The following GPC5 variants were observed in gnomAD, a reference collection of about 807,000 sequenced individuals.
GPC5 encodes the protein glypican 5.
Under a neutral mutation model 53.9 loss-of-function variants are expected in GPC5, and 47 were observed. The ratio of observed to expected loss-of-function variants is 0.87; its 90% CI spans 0.69 to 1.11. The LOEUF (loss-of-function observed/expected upper bound fraction) is 1.11, where lower values mean the gene tolerates loss of function less well. Among genes scored for constraint, GPC5 ranks in the 50% most tolerant of loss-of-function variants. The pLI is 0.00. For missense variants in GPC5, 748 were observed against 713.1 expected (o/e 1.05, Z -0.56); for synonymous variants, 286 against 263.3 (o/e 1.09, Z -0.84).
chr13:91,766,335 T>G (rs1214000553), intron 5 of GPC5, among the ~76,000 whole-genome samples: 2 of 152,182 alleles, frequency 1.3e-5, no homozygotes, highest in Non-Finnish European at 2.9e-5. Context: ...TTTCTCCTTC[T>G]CACTATTCTC....
intron 7 of GPC5, among the ~76,000 whole-genome samples, chr13:92,211,569 C>T (rs963717402): frequency 1.3e-5 from 2 of 152,222 alleles, no homozygotes; most frequent in Non-Finnish European, 2.9e-5. Flanking sequence ...AAGGAAGTGG[C>T]TTTCCAAGTG....
chr13:92,177,428 TG>T (rs1273452428), intron 7 of GPC5, among the ~76,000 whole-genome samples: 1 of 152,252 alleles, frequency 6.6e-6, no homozygotes, highest in African/African-American at 2.4e-5. Flanking sequence ...GATGGAAAGT[TG>T]ATCTTTCCAA....
chr13:92,731,209 C>T (rs1187091064), intron 7 of GPC5, among the ~76,000 whole-genome samples: 1 of 151,316 alleles, frequency 6.6e-6, no homozygotes, highest in African/African-American at 2.4e-5. Context: ...TAAGTAAAAA[C>T]AGATGGAATG....
At chr13:91,483,933 TTACACTATATC>T in intron 2 of GPC5, among the ~76,000 whole-genome samples, 1 of 152,250 alleles carries the variant, frequency 6.6e-6, no homozygotes, top group African/African-American at 2.4e-5. Context: ...AAGTGGAGAT[TTACACTATATC>T]ATACCTTCCT....
intron 2 of GPC5, among the ~76,000 whole-genome samples, chr13:91,493,216 G>A (rs982096267): frequency 4.6e-5 from 7 of 152,114 alleles, no homozygotes; most frequent in Non-Finnish European, 1.0e-4. Flanking sequence ...TTTAAATTTT[G>A]TGGGTACATA....
At chr13:91,634,007 C>T (rs770065279) in intron 2 of GPC5, among the ~76,000 whole-genome samples, 1 of 152,086 alleles carries the variant, frequency 6.6e-6, no homozygotes, top group Non-Finnish European at 1.5e-5. Flanking sequence ...AATAATAAAG[C>T]ACACATTTGC....
At chr13:91,581,364 T>A (rs961907614) in intron 2 of GPC5, among the ~76,000 whole-genome samples, 1 of 152,178 alleles carries the variant, frequency 6.6e-6, no homozygotes, top group African/African-American at 2.4e-5. Context: ...TTTTGTAAAG[T>A]TGGATTTGTA....
At chr13:92,573,750 C>T (rs1039040490) in intron 7 of GPC5, among the ~76,000 whole-genome samples, 2 of 152,136 alleles carry the variant, frequency 1.3e-5, no homozygotes. Flanking sequence ...CCTTGGCAAC[C>T]TTGCAATCCC....
At chr13:91,930,618 C>G (rs1344927643) in intron 6 of GPC5, among the ~76,000 whole-genome samples, 2 of 152,048 alleles carry the variant, frequency 1.3e-5, no homozygotes, top group Admixed American at 6.6e-5. Flanking sequence ...ATGTTTCCAC[C>G]TAACACATGG....
chr13:91,477,282 G>T (rs1217117778), intron 2 of GPC5, among the ~76,000 whole-genome samples: 8 of 152,124 alleles, frequency 5.3e-5, no homozygotes, highest in Admixed American at 5.2e-4. Flanking sequence ...GACAAGGAGG[G>T]ATTTATCTGA....
chr13:91,737,515 A>T (rs904257341), intron 4 of GPC5, among the ~76,000 whole-genome samples: 1 of 151,502 alleles, frequency 6.6e-6, no homozygotes, highest in South Asian at 2.1e-4. Context: ...CTGAAAAAAT[A>T]GGAATTGTAA....
intron 5 of GPC5, among the ~76,000 whole-genome samples, chr13:91,796,499 G>A (rs1215392130): frequency 6.6e-6 from 1 of 152,210 alleles, no homozygotes; most frequent in African/African-American, 2.4e-5. Flanking sequence ...CCCAAAAGGG[G>A]TTGTTGCCAC....
chr13:91,624,715 G>T (rs941338177), intron 2 of GPC5, among the ~76,000 whole-genome samples: 2 of 151,930 alleles, frequency 1.3e-5, no homozygotes, highest in Non-Finnish European at 2.9e-5. Context: ...AGTAATAAAT[G>T]AGGAGACCTA....
At chr13:91,414,573 C>G (rs1473564414) in intron 1 of GPC5, among the ~76,000 whole-genome samples, 2 of 152,160 alleles carry the variant, frequency 1.3e-5, no homozygotes, top group Non-Finnish European at 2.9e-5. Flanking sequence ...CAGTGCATCT[C>G]AAGGGACAAT....
chr13:92,006,308 T>C (rs936178613), intron 6 of GPC5, among the ~76,000 whole-genome samples: 4 of 152,172 alleles, frequency 2.6e-5, no homozygotes, highest in Non-Finnish European at 4.4e-5. Flanking sequence ...AATATATGTA[T>C]ATTTTGACAG....
chr13:92,116,181 C>G (rs894309601), intron 6 of GPC5, among the ~76,000 whole-genome samples: 2 of 152,010 alleles, frequency 1.3e-5, no homozygotes, highest in Admixed American at 1.3e-4. Flanking sequence ...CACAACAGGT[C>G]AAGGCTGCAG....
intron 7 of GPC5, among the ~76,000 whole-genome samples, chr13:92,498,254 CT>C (rs2138926534): frequency 6.6e-6 from 1 of 152,080 alleles, no homozygotes; most frequent in Non-Finnish European, 1.5e-5. Flanking sequence ...TATTTCTCCC[CT>C]GATTCTTTTC....
chr13:92,750,909 C>A (rs531734191), intron 7 of GPC5, among the ~76,000 whole-genome samples: 1 of 152,096 alleles, frequency 6.6e-6, no homozygotes, highest in African/African-American at 2.4e-5. Context: ...ATCCATAACA[C>A]TCCCACACTA....
chr13:92,445,211 C>T (rs1365696933), intron 7 of GPC5, among the ~76,000 whole-genome samples: 1 of 149,984 alleles, frequency 6.7e-6, no homozygotes, highest in African/African-American at 2.4e-5. Context: ...CCTCTCCCCT[C>T]TCTCTCCTCT....
Sources: gnomAD v4.1 joint callset for allele counts (sites outside exome capture counted in the v4.1 genomes callset) on GRCh38, gnomAD v4.1.1 for gene constraint, MANE v1.5 for transcripts, NCBI Gene and HGNC (gene_info 2026-07-23, HGNC 2026-07-21) for gene names.